The following PDE9A variants were observed in gnomAD, a reference collection of about 807,000 sequenced individuals.
The protein encoded by PDE9A is phosphodiesterase 9A.
In PDE9A, 60 loss-of-function variants were observed where a neutral mutation model predicts 87.4. The observed-to-expected ratio is 0.69, with a 90% CI of 0.56 to 0.85. PDE9A has a LOEUF of 0.85. Ranked by LOEUF, PDE9A falls within the 40% of genes least tolerant of loss-of-function variation. The probability of loss-of-function intolerance (pLI) is 0.00; values close to 1 mark genes in which losing one functional copy is unlikely to be tolerated. For missense variants in PDE9A, 665 were observed against 779.0 expected, an observed-to-expected ratio of 0.85 and a Z score of 1.74; for synonymous variants, 272 against 279.4, an observed-to-expected ratio of 0.97 and a Z score of 0.27.
chr21:42,666,964 C>T (rs1252645603), intron 1 of PDE9A, among the ~76,000 whole-genome samples: 2 of 152,206 alleles, frequency 1.3e-5, no homozygotes, highest in African/African-American at 2.4e-5. Flanking sequence ...CAAGGTCCCG[C>T]GCCTGGTGAC....
intron 8 of PDE9A, among the ~76,000 whole-genome samples, chr21:42,744,449 GTGTCCA>G (rs1234300369): frequency 5.7e-4 from 87 of 152,354 alleles, no homozygotes; most frequent in Middle Eastern, 3.4e-3. Flanking sequence ...TAGGAGCAAT[GTGTCCA>G]GCTTGGAATA....
chr21:42,742,735 G>A (rs1246897730), intron 7 of PDE9A, among the ~76,000 whole-genome samples: 2 of 152,108 alleles, frequency 1.3e-5, no homozygotes, highest in Non-Finnish European at 2.9e-5. Flanking sequence ...AAAGTGCTGG[G>A]ATTACAGGCG....
chr21:42,690,906 G>A (rs2059789658), intron 3 of PDE9A, among the ~76,000 whole-genome samples: 1 of 152,112 alleles, frequency 6.6e-6, no homozygotes, highest in Non-Finnish European at 1.5e-5. Context: ...CCAGCCACCT[G>A]CCTTAAGCAC....
In PDE9A at chr21:42,693,336, T is replaced by C. The variant is rs1271817303; in HGVS notation, c.218+5342T>C. Among the ~76,000 whole-genome samples, 2 of 149,858 alleles carry C rather than the reference T, an allele frequency of 1.3e-5. 1 individual carries two copies. The highest frequency in any genetic ancestry group is 3.0e-5 in the Non-Finnish European group (2 of 67,662). ...TTTTTTGAGACGGAGTCTGGCTCTG[T>C]CGCCCAGGCTGGAGTGCAGTGGCGC... On this transcript the variant is annotated intron_variant, in intron 3 of 19. Transcript: ENST00000291539.
chr21:42,733,513 C>T (rs981442594), intron 7 of PDE9A, 87 bp downstream of exon 7: 6 of 767,932 alleles, frequency 7.8e-6, no homozygotes, highest in African/African-American at 1.7e-5. Flanking sequence ...GAGTTCAGTG[C>T]CGAAGGTAAA....
At chr21:42,715,201 T>C (rs1309466106) in intron 4 of PDE9A, among the ~76,000 whole-genome samples, 1 of 150,928 alleles carries the variant, frequency 6.6e-6, no homozygotes, top group Non-Finnish European at 1.5e-5. Flanking sequence ...TTTTTTTTTT[T>C]TTTTTTTACA....
At chr21:42,773,499 T>C (rs1490345750) in intron 19 of PDE9A, among the ~76,000 whole-genome samples, 1 of 152,158 alleles carries the variant, frequency 6.6e-6, no homozygotes, top group Admixed American at 6.5e-5. Context: ...CAGCCGTTTG[T>C]TCACCTCATA....
intron 3 of PDE9A, chr21:42,697,511 C>T (rs1162967276): frequency 1.4e-6 from 2 of 1,457,092 alleles, no homozygotes; most frequent in Non-Finnish European, 1.9e-6. Flanking sequence ...GCATGTTTGT[C>T]TTCATCTTCT....
chr21:42,733,616 T>C (rs2052071354), intron 7 of PDE9A, 190 bp downstream of exon 7: 2 of 588,050 alleles, frequency 3.4e-6, no homozygotes, highest in Non-Finnish European at 3.1e-6. Flanking sequence ...ATTTTATTTC[T>C]ATTTTAAAAG....
intron 1 of PDE9A, among the ~76,000 whole-genome samples, chr21:42,670,666 C>T (rs1214877257): frequency 6.8e-6 from 1 of 147,178 alleles, no homozygotes; most frequent in African/African-American, 2.7e-5. Context: ...CACATACACA[C>T]ATACACATGC....
At chr21:42,685,453 T>C (rs931668864) in intron 1 of PDE9A, among the ~76,000 whole-genome samples, 2 of 147,546 alleles carry the variant, frequency 1.4e-5, no homozygotes, top group African/African-American at 5.2e-5. Context: ...AGTCCCCAAA[T>C]ACCGAAAGGC....
At chr21:42,686,367 G>A (rs2059473373) in intron 2 of PDE9A, 105 bp downstream of exon 2, 2 of 868,822 alleles carry the variant, frequency 2.3e-6, no homozygotes, top group South Asian at 1.4e-5. Flanking sequence ...CCGAGGCACC[G>A]GCCTTCTACA....
chr21:42,760,299 G>T lies in PDE9A; in HGVS notation c.898-29G>T. On this transcript the variant is annotated intron_variant, in intron 11 of 19. Coordinates refer to ENST00000291539, the MANE Select transcript of PDE9A (RefSeq NM_002606.3). The surrounding 1 kb of genome is among the most constrained non-coding windows in gnomAD (Gnocchi z 5.2). ...GGAGAGGTGGGCGGGCCCAGGCACA[G>T]GGTGACTCGGACCCCCTGCCTCCCG... 1 of 1,386,488 alleles carries T rather than the reference G, an allele frequency of 7.2e-7. No homozygotes were observed. The highest frequency in any genetic ancestry group is 1.1e-5 in the South Asian group (1 of 87,450). 85.9% of individuals were successfully genotyped at this position (1,386,488 alleles called of 1,614,324 possible). A position where few individuals can be genotyped will look rare whatever the true frequency, so the allele number is the denominator to read the frequency against.
At chr21:42,773,953 A>C (rs1468888018) in intron 19 of PDE9A, among the ~76,000 whole-genome samples, 1 of 150,556 alleles carries the variant, frequency 6.6e-6, no homozygotes, top group African/African-American at 2.5e-5. Flanking sequence ...AATACAAAAA[A>C]AATTAGCCGG....
intron 15 of PDE9A, among the ~76,000 whole-genome samples, chr21:42,766,761 AAGGAGGG>A (rs2056441561): frequency 6.6e-6 from 1 of 152,142 alleles, no homozygotes; most frequent in African/African-American, 2.4e-5. Flanking sequence ...AAACCAAGGG[AAGGAGGG>A]AGGCGCCGCC....
Position 42,739,656 on chromosome 21 carries a change from G to A in PDE9A, c.569-4120G>A, listed in dbSNP as rs1476900827. Reference sequence around the variant, plus strand: ...GGATGCAAACTAGTGAAGCTGTGCTGTGTCACCCAGGAGGCTTAATTTTAA... The same window carrying A: ...GGATGCAAACTAGTGAAGCTGTGCTATGTCACCCAGGAGGCTTAATTTTAA... On this transcript the variant is annotated intron_variant, in intron 7 of 19. Transcript: ENST00000291539. The surrounding 1 kb of genome is among the most constrained non-coding windows in gnomAD (Gnocchi z 4.1). Among the ~76,000 whole-genome samples the A allele has an allele frequency of 6.6e-6, 1 of 151,962 alleles. No individual in the cohort carries two copies. The highest frequency in any genetic ancestry group is 1.5e-5 in the Non-Finnish European group (1 of 68,028).
intron 1 of PDE9A, among the ~76,000 whole-genome samples, chr21:42,680,932 G>A (rs933554307): frequency 5.9e-5 from 9 of 152,210 alleles, no homozygotes; most frequent in East Asian, 1.9e-4. Flanking sequence ...AAAATGTGGC[G>A]AAAAGTTTTT....
In PDE9A at chr21:42,692,399, G is replaced by A. The variant is rs114680468; in HGVS notation, c.218+4405G>A. On this transcript the variant is annotated intron_variant, in intron 3 of 19. Transcript: ENST00000291539. This position sits in a 1 kb window ranked among gnomAD's most constrained non-coding sequence, Gnocchi z 4.3. ...GGACAGGCCCACAACAATGACACACGTGGCCGGAGACATCAGCGGTGCTGA... is the reference window on the plus strand; with the variant it reads ...GGACAGGCCCACAACAATGACACACATGGCCGGAGACATCAGCGGTGCTGA... Among the ~76,000 whole-genome samples, 1,065 of 152,318 alleles carry A rather than the reference G, an allele frequency of 7.0e-3. 11 individuals are homozygous for A. The highest frequency in any genetic ancestry group is 0.024 in the African/African-American group (998 of 41,574).
intron 3 of PDE9A, chr21:42,689,422 C>G (rs751814558): frequency 1.3e-5 from 6 of 467,714 alleles, no homozygotes; most frequent in Non-Finnish European, 1.7e-5. Flanking sequence ...AGCATCTTGT[C>G]AGCCTCAGCA....
Sources: gnomAD v4.1 joint callset for allele counts (sites outside exome capture counted in the v4.1 genomes callset) on GRCh38, gnomAD v4.1.1 for gene constraint, Gnocchi (gnomAD v3.1) non-coding constraint, MANE v1.5 for transcripts, NCBI Gene and HGNC (gene_info 2026-07-23, HGNC 2026-07-21) for gene names.